Variants in PFKP observed in about 807,000 individuals in gnomAD.
The protein encoded by PFKP is ATP-dependent 6-phosphofructokinase, platelet type.
In PFKP, 101 loss-of-function variants were observed where a neutral mutation model predicts 94.3. That is an observed-to-expected ratio of 1.07 (90% confidence interval 0.91 to 1.26). The LOEUF (loss-of-function observed/expected upper bound fraction) is 1.26, where lower values mean the gene tolerates loss of function less well. Among genes scored for constraint, PFKP ranks in the 50% most tolerant of loss-of-function variants. The pLI is 0.00. For missense variants in PFKP, 1,145 were observed against 1,103.3 expected, an observed-to-expected ratio of 1.04 and a Z score of -0.53; for synonymous variants, 573 against 432.6, an observed-to-expected ratio of 1.32 and a Z score of -4.03.
At chr10:3,108,622 G>C (rs17132175) in intron 8 of PFKP, 79 bp from the exon 9 acceptor site, 95,833 of 1,034,094 alleles carry the variant, frequency 0.093, 4,902 homozygotes, top group African/African-American at 0.11. Flanking sequence ...ACCTTTTCCA[G>C]TGCCCAGTAC....
At chr10:3,104,868 C>T in intron 5 of PFKP, 1 of 573,812 alleles carries the variant, frequency 1.7e-6, no homozygotes, top group East Asian at 3.0e-5. Flanking sequence ...GTCCAACGTG[C>T]AACTGGAGAG....
intron 1 of PFKP, among the ~76,000 whole-genome samples, chr10:3,073,439 C>A (rs1414876021): frequency 6.6e-6 from 1 of 151,852 alleles, no homozygotes; most frequent in African/African-American, 2.4e-5. Context: ...GGGGAGCCTG[C>A]GGAGGTGTAG....
rs1049219717 is a variant in PFKP at position 3,129,606 on chromosome 10, G to C, written c.1684-213G>C. On this transcript the variant is annotated intron_variant, in intron 16 of 21. Transcript: ENST00000381125. The stretch of plus-strand genomic sequence containing the variant: ...AACGGGACATCGAGGTCACCTCCAG[G>C]TGGCTGCCATGGTGGGGTTGCGGGG... 3 of 566,204 alleles carry C rather than the reference G, an allele frequency of 5.3e-6. No individual in the cohort carries two copies. The Admixed American group carries it at 1.0e-4, about 19-fold the overall frequency. 35.1% of individuals were successfully genotyped at this position (566,204 alleles called of 1,614,324 possible). A position where few individuals can be genotyped will look rare whatever the true frequency, so the allele number is the denominator to read the frequency against.
At chr10:3,120,726 C>T (rs1010276867) in intron 16 of PFKP, among the ~76,000 whole-genome samples, 4 of 152,072 alleles carry the variant, frequency 2.6e-5, no homozygotes, top group African/African-American at 9.7e-5. Flanking sequence ...GTGGTGTGAT[C>T]TCAGCTCACT....
At chr10:3,087,555 G>A (rs1308445099) in intron 2 of PFKP, among the ~76,000 whole-genome samples, 1 of 152,184 alleles carries the variant, frequency 6.6e-6, no homozygotes, top group Non-Finnish European at 1.5e-5. Flanking sequence ...TGTTTTGGGG[G>A]AATTCTAATT....
intron 2 of PFKP, among the ~76,000 whole-genome samples, chr10:3,084,867 C>T (rs199991282): frequency 2.8e-5 from 4 of 140,878 alleles, no homozygotes; most frequent in Non-Finnish European, 6.2e-5. Context: ...AGCACGGTCC[C>T]CCACTCCACT....
chr10:3,126,563 C>T (rs1309797210), intron 16 of PFKP, among the ~76,000 whole-genome samples: 2 of 152,196 alleles, frequency 1.3e-5, no homozygotes, highest in Non-Finnish European at 2.9e-5. Flanking sequence ...AGGACCCCCA[C>T]CCCCTGTCCC....
chr10:3,135,885 C>T (rs764070842), intron 21 of PFKP, 47 bp downstream of exon 21: 22 of 1,107,080 alleles, frequency 2.0e-5, no homozygotes, highest in Admixed American at 5.1e-5. Context: ...AATGTGAGTA[C>T]GGGACAGGGG....
At chr10:3,123,332 C>G (rs1837611704) in intron 16 of PFKP, among the ~76,000 whole-genome samples, 1 of 152,238 alleles carries the variant, frequency 6.6e-6, no homozygotes, top group South Asian at 2.1e-4. Context: ...GTGACTGATT[C>G]ACAGCCTGGC....
At chr10:3,130,293 C>T (rs1838431311) in intron 17 of PFKP, among the ~76,000 whole-genome samples, 2 of 152,236 alleles carry the variant, frequency 1.3e-5, no homozygotes, top group African/African-American at 2.4e-5. Context: ...CCTCCGCTGA[C>T]AGTCACCACC....
chr10:3,118,861 G>A lies in PFKP; in HGVS notation c.1522G>A (p.Gly508Arg). 1 of 1,612,236 alleles carries A rather than the reference G, an allele frequency of 6.2e-7. No homozygotes were observed. Among genetic ancestry groups the A allele is most frequent in the Non-Finnish European group, 8.5e-7 (1 of 1,178,612 alleles). The change falls in exon 15 of 22, where the codon GGA becomes AGA. Residue 508 changes from glycine (G) to arginine (R), a missense_variant. Gly to Arg is a moderately radical substitution (Grantham distance 125). Transcript: ENST00000381125. ...CATCAACGCGCTGCTGATCATCGGT[G>A]GATTCGAGGTACGTTACCGTTTCTC... ...HSINALLIIGGFEAYLGLLEL... is the reference protein window; with the variant it reads ...HSINALLIIGRFEAYLGLLEL...
At chr10:3,096,022 C>G (rs1032972326) in intron 2 of PFKP, among the ~76,000 whole-genome samples, 1 of 152,174 alleles carries the variant, frequency 6.6e-6, no homozygotes, top group Non-Finnish European at 1.5e-5. Context: ...TTTCAGAGAA[C>G]ATTTTACTTT....
At chr10:3,130,084 G>A in intron 17 of PFKP, 101 bp downstream of exon 17, 5 of 1,014,680 alleles carry the variant, frequency 4.9e-6, no homozygotes, top group Non-Finnish European at 7.1e-6. Flanking sequence ...CAAGGGGCAT[G>A]GAGATGGAGA....
chr10:3,120,182 C>A, intron 16 of PFKP, 138 bp downstream of exon 16: 1 of 733,876 alleles, frequency 1.4e-6, no homozygotes, highest in Non-Finnish European at 2.2e-6. Context: ...TTTTTTCCCC[C>A]AGAAAAGTAT....
At chr10:3,090,234 G>A (rs1175491370) in intron 2 of PFKP, among the ~76,000 whole-genome samples, 1 of 152,206 alleles carries the variant, frequency 6.6e-6, no homozygotes, top group Non-Finnish European at 1.5e-5. Flanking sequence ...AGTCTTCTGA[G>A]TCCTGGCCTG....
intron 2 of PFKP, among the ~76,000 whole-genome samples, chr10:3,082,700 G>T (rs1435802410): frequency 6.6e-6 from 1 of 152,138 alleles, no homozygotes; most frequent in Non-Finnish European, 1.5e-5. Context: ...ATGAGAGGGA[G>T]CCCAAAAAGC....
In PFKP at chr10:3,119,264, T is replaced by C. The variant is rs148223860; in HGVS notation, c.1530+395T>C. ...GGACTGTAGACCCTAATATTTTTTCTATTCATGAAGATTAGTCCCATGGTA... is the reference window on the plus strand; with the variant it reads ...GGACTGTAGACCCTAATATTTTTTCCATTCATGAAGATTAGTCCCATGGTA... On this transcript the variant is annotated intron_variant, in intron 15 of 21. Coordinates refer to ENST00000381125, the MANE Select transcript of PFKP (RefSeq NM_002627.5). Among the ~76,000 whole-genome samples, 845 of 152,340 alleles carry C rather than the reference T, an allele frequency of 5.5e-3. 6 individuals are homozygous for C. Among genetic ancestry groups the C allele is most frequent in the Middle Eastern group, 0.027 (8 of 294 alleles).
chr10:3,067,678 G>T lies in PFKP; in HGVS notation c.83G>T (p.Gly28Val), dbSNP rs1831830312. The change falls in exon 1 of 22, where the codon GGC becomes GTC. Residue 28 changes from glycine (G) to valine (V), a missense_variant. By Grantham distance (109) the Gly-to-Val change is moderately radical. Around this residue, in one of 3 missense-constraint regions of PFKP, gnomAD observed 1,119 missense variants for 1,062.8 expected, o/e 1.05. Coordinates refer to ENST00000381125, the MANE Select transcript of PFKP (RefSeq NM_002627.5). ...CTCTCCGGGGCCGGCAAGGCCATCGGCGTGCTGACCAGCGGCGGGGATGCT... is the reference window on the plus strand; with the variant it reads ...CTCTCCGGGGCCGGCAAGGCCATCGTCGTGCTGACCAGCGGCGGGGATGCT... ...EHLSGAGKAIGVLTSGGDAQG... is the reference protein window; with the variant it reads ...EHLSGAGKAIVVLTSGGDAQG... 1.3e-6 allele frequency: 2 copies of T among 1,529,306 alleles called. No homozygotes were observed. The highest frequency in any genetic ancestry group is 2.6e-5 in the East Asian group (1 of 38,188). The allele number at this position is 1,529,306 out of a possible 1,614,324, so 94.7% of individuals were successfully genotyped here.
In PFKP at chr10:3,082,378, T is replaced by G; in HGVS notation, c.113-10T>G. On this transcript the variant is annotated splice_polypyrimidine_tract_variant and intron_variant, in intron 1 of 21. Transcript: ENST00000381125. The stretch of plus-strand genomic sequence containing the variant: ...CTCTTCAGTGACTCTTGCTCCTGTT[T>G]CCACTGCAGGTATGAACGCTGCCGT... 1 of 1,602,112 alleles carries G rather than the reference T, an allele frequency of 6.2e-7. No individual in the cohort carries two copies. The highest frequency in any genetic ancestry group is 1.3e-5 in the African/African-American group (1 of 74,750).
Sources: allele counts gnomAD v4.1 joint callset (sites outside exome capture counted in the v4.1 genomes callset), GRCh38; gene constraint gnomAD v4.1.1; regional missense constraint gnomAD v4.1.1; transcripts MANE v1.5; gene names NCBI Gene and HGNC (gene_info 2026-07-23, HGNC 2026-07-21).